MTCL2: variants seen among roughly 807,000 people sequenced by gnomAD.
MTCL2 encodes the protein microtubule crosslinking factor 2, also known as microtubule cross-linking factor 2.
chr20:36,838,279 T>A, the MTCL2 span, among the ~76,000 whole-genome samples: 1 of 152,182 alleles, frequency 6.6e-6, no homozygotes, highest in Admixed American at 6.6e-5. Context: ...CTCGAGGCCT[T>A]CACTACTTTT....
the MTCL2 span, among the ~76,000 whole-genome samples, chr20:36,801,943 G>C: frequency 6.6e-6 from 1 of 151,738 alleles, no homozygotes; most frequent in African/African-American, 2.4e-5. Flanking sequence ...CAGCCTGGGC[G>C]ACAGAGTAAG....
chr20:36,862,802 C>T, the MTCL2 span: 3 of 1,407,576 alleles, frequency 2.1e-6, no homozygotes, highest in African/African-American at 4.4e-5. Flanking sequence ...ACGACGCGGC[C>T]ACCGACGGCT....
chr20:36,809,969 G>T, the MTCL2 span: 1 of 1,596,142 alleles, frequency 6.3e-7, no homozygotes, highest in East Asian at 2.3e-5. Flanking sequence ...GGAAAGCGCT[G>T]GGCACCACGC....
At chr20:36,820,244 G>A in the MTCL2 span, among the ~76,000 whole-genome samples, 1 of 152,148 alleles carries the variant, frequency 6.6e-6, no homozygotes, top group Non-Finnish European at 1.5e-5. Context: ...GGTGACCAGA[G>A]CCCCACCAAT....
At chr20:36,839,417 C>T in the MTCL2 span, 5 of 1,613,432 alleles carry the variant, frequency 3.1e-6, no homozygotes, top group Non-Finnish European at 2.5e-6. The surrounding 1 kb of genome is among the most constrained non-coding windows in gnomAD (Gnocchi z 5.1). Context: ...TCCAGCATCT[C>T]GGCCCGCAGC....
the MTCL2 span, among the ~76,000 whole-genome samples, chr20:36,800,363 A>C: frequency 6.6e-6 from 1 of 152,234 alleles, no homozygotes; most frequent in East Asian, 1.9e-4. Flanking sequence ...AAACAGATGC[A>C]TGCATCTGAC....
the MTCL2 span, among the ~76,000 whole-genome samples, chr20:36,850,539 G>T: frequency 6.9e-6 from 1 of 144,040 alleles, no homozygotes; most frequent in African/African-American, 2.6e-5. Flanking sequence ...AAAAAAAAAA[G>T]AAAAAAAAAA....
At chr20:36,863,042 C>T in the MTCL2 span, 23 of 1,406,948 alleles carry the variant, frequency 1.6e-5, no homozygotes, top group African/African-American at 3.0e-4. The surrounding 1 kb of genome is among the most constrained non-coding windows in gnomAD (Gnocchi z 6.2). Context: ...CACCCGAGCG[C>T]GGACGGCCCT....
the MTCL2 span, chr20:36,794,036 G>C: frequency 6.4e-7 from 1 of 1,551,470 alleles, no homozygotes; most frequent in Non-Finnish European, 8.7e-7. This position sits in a 1 kb window ranked among gnomAD's most constrained non-coding sequence, Gnocchi z 5.4. Flanking sequence ...CACACAGTTG[G>C]TGATCTCCTT....
chr20:36,792,524 TAAA>T, the MTCL2 span, among the ~76,000 whole-genome samples: 1 of 131,876 alleles, frequency 7.6e-6, no homozygotes, highest in Non-Finnish European at 1.7e-5. Flanking sequence ...ACAAAAACAA[TAAA>T]AAAAAAAAAA....
chr20:36,863,156 G>A, the MTCL2 span: 1 of 1,366,214 alleles, frequency 7.3e-7, no homozygotes, highest in Non-Finnish European at 9.5e-7. This position sits in a 1 kb window ranked among gnomAD's most constrained non-coding sequence, Gnocchi z 6.2. Context: ...AGAACGCGGC[G>A]CTGCAGGCGA....
the MTCL2 span, among the ~76,000 whole-genome samples, chr20:36,822,506 C>G: frequency 9.9e-5 from 15 of 152,234 alleles, no homozygotes; most frequent in Admixed American, 5.9e-4. Context: ...CTAGGAGAAG[C>G]CTGAGCTATG....
At chr20:36,847,161 G>A in the MTCL2 span, among the ~76,000 whole-genome samples, 1 of 152,212 alleles carries the variant, frequency 6.6e-6, no homozygotes, top group African/African-American at 2.4e-5. Context: ...ATGAGGAGAC[G>A]AGGCTCAGAA....
chr20:36,858,212 T>C, the MTCL2 span, among the ~76,000 whole-genome samples: 2 of 151,976 alleles, frequency 1.3e-5, no homozygotes, highest in Admixed American at 6.6e-5. Context: ...ATCTGTAAAA[T>C]GGCAAGTGGG....
the MTCL2 span, chr20:36,785,996 C>G: frequency 2.0e-6 from 2 of 986,446 alleles, no homozygotes; most frequent in South Asian, 4.7e-5. Flanking sequence ...AGGGCTCCAC[C>G]AGGAACCAAA....
chr20:36,829,488 G>A, the MTCL2 span, among the ~76,000 whole-genome samples: 2 of 150,410 alleles, frequency 1.3e-5, no homozygotes, highest in Non-Finnish European at 2.9e-5. Context: ...CCTGTTCTCA[G>A]GAATGCCTTT....
At chr20:36,861,351 G>A in the MTCL2 span, among the ~76,000 whole-genome samples, 625 of 152,274 alleles carry the variant, frequency 4.1e-3, 5 homozygotes, top group African/African-American at 0.014. Context: ...TTTAACGGAT[G>A]AGGAGACTGA....
the MTCL2 span, among the ~76,000 whole-genome samples, chr20:36,850,334 G>C: frequency 4.6e-5 from 7 of 152,034 alleles, no homozygotes; most frequent in Admixed American, 4.6e-4. Context: ...TTCAAGACCA[G>C]CCTGGTCAAC....
chr20:36,855,673 A>T, the MTCL2 span, among the ~76,000 whole-genome samples: 1 of 152,178 alleles, frequency 6.6e-6, no homozygotes. Context: ...AGGCTATGCA[A>T]GACACGGGGC....
Sources: allele counts gnomAD v4.1 joint callset (sites outside exome capture counted in the v4.1 genomes callset), GRCh38; gene constraint gnomAD v4.1.1; non-coding constraint Gnocchi (gnomAD v3.1); transcripts MANE v1.5; gene names NCBI Gene and HGNC (gene_info 2026-07-23, HGNC 2026-07-21).